The following COA6 variants were observed in gnomAD, a reference collection of about 807,000 sequenced individuals.
COA6 encodes cytochrome c oxidase assembly factor 6 homolog.
Under a neutral mutation model 17.1 loss-of-function variants are expected in COA6, and 12 were observed. The observed-to-expected ratio is 0.70, with a 90% confidence interval of 0.45 to 1.14. The LOEUF (loss-of-function observed/expected upper bound fraction) is 1.14, where lower values mean the gene tolerates loss of function less well. Among genes scored for constraint, COA6 ranks in the 50% most tolerant of loss-of-function variants. The probability of loss-of-function intolerance (pLI) is 0.00; values close to 1 mark genes in which losing one functional copy is unlikely to be tolerated. For missense variants in COA6, 246 were observed against 196.5 expected, an observed-to-expected ratio of 1.25 and a Z score of -1.51; for synonymous variants, 90 against 73.4, an observed-to-expected ratio of 1.23 and a Z score of -1.16.
At chr1:234,374,093 A>G (rs1658707155) in intron 1 of COA6, 137 bp from the exon 2 acceptor site, 12 of 1,060,730 alleles carry the variant, frequency 1.1e-5, no homozygotes, top group Non-Finnish European at 9.2e-6. Context: ...ATCCCTAAGC[A>G]TGGTTTTGTT....
intron 2 of COA6, 52 bp from the exon 3 acceptor site, chr1:234,383,671 T>A: frequency 1.3e-6 from 1 of 764,598 alleles, no homozygotes; most frequent in Non-Finnish European, 2.3e-6. Context: ...TGCTTTTGCT[T>A]ATCTAAGCTG....
rs1433495729 is a variant in COA6, at chr1:234,374,382, A to G, written c.365A>G (p.Gln122Arg). The part of the protein sequence containing the change: ...LRSSFESSCP[Q>R]QWIKYFDKRR... ...AGCTCTTTCGAATCAAGTTGTCCCCAACAGTGGGTAAGTCACACTTTGATG... is the reference window on the plus strand; with the variant it reads ...AGCTCTTTCGAATCAAGTTGTCCCCGACAGTGGGTAAGTCACACTTTGATG... The change falls in exon 2 of 3, where the codon CAA (glutamine) becomes CGA (arginine). Residue 122 changes from glutamine (Q) to arginine (R), a missense_variant. By Grantham distance (43) the Gln-to-Arg change is conservative (BLOSUM62 1). Transcript: ENST00000366615. The G allele has an allele frequency of 6.2e-7, 1 of 1,614,038 alleles. No homozygotes were observed. Among genetic ancestry groups the G allele is most frequent in the Admixed American group, 1.7e-5 (1 of 59,994 alleles).
At chr1:234,383,412 C>T (rs1437093619) in intron 2 of COA6, among the ~76,000 whole-genome samples, 2 of 151,616 alleles carry the variant, frequency 1.3e-5, no homozygotes, top group Non-Finnish European at 2.9e-5. Context: ...GGACAGATAG[C>T]ATTAGGAGGT....
In COA6 at chr1:234,373,505, C is replaced by A. The variant is rs150519772; in HGVS notation, c.39C>A (p.Arg13=). 559 of 1,602,386 alleles carry A rather than the reference C, an allele frequency of 3.5e-4. 1 individual carries two copies. In the East Asian group the frequency reaches 9.5e-3, roughly 27 times the overall value. Residue 13 remains arginine (R), a synonymous_variant, in exon 1 of 3, where the codon CGC becomes CGA. Transcript: ENST00000366615. ...AGGGTCAAAAGAGTCCGCGGTTTCGCCGCGTGAGTTGCTTTTTGCGGCTGG... is the reference window on the plus strand; with the variant it reads ...AGGGTCAAAAGAGTCCGCGGTTTCGACGCGTGAGTTGCTTTTTGCGGCTGG... The part of the protein sequence containing the change: ...ARKGQKSPRF[R]RVSCFLRLGR...
At position 234,373,638 on chromosome 1, in the gene COA6, C is replaced by T. The variant is rs1658680085; in HGVS notation, c.172C>T (p.Arg58Cys). 2 of 1,613,042 alleles carry T rather than the reference C, an allele frequency of 1.2e-6. No individual in the cohort carries two copies. The highest frequency in any genetic ancestry group is 8.5e-7 in the Non-Finnish European group (1 of 1,179,472). Reference sequence around the variant, plus strand: ...GGTGGCCTGCGTGACAGTTTCCTCCCGTCGACATCGAAAGGAAGCCGGACG... The same window carrying T: ...GGTGGCCTGCGTGACAGTTTCCTCCTGTCGACATCGAAAGGAAGCCGGACG... ...RLVACVTVSS[R>C]RHRKEAGRGR... Residue 58 changes from arginine to cysteine, a missense_variant, in exon 1 of 3, where the codon CGT becomes TGT. By Grantham distance (180) the Arg-to-Cys change is radical (BLOSUM62 -3). Coordinates refer to ENST00000366615, the MANE Select transcript of COA6 (RefSeq NM_001206641.3).
At chr1:234,382,879 T>C (rs539981951) in intron 2 of COA6, among the ~76,000 whole-genome samples, 9 of 152,174 alleles carry the variant, frequency 5.9e-5, no homozygotes, top group African/African-American at 2.2e-4. Context: ...TGGTAGCAGA[T>C]GCCTGTAATT....
chr1:234,375,239 G>A (rs917993366), intron 2 of COA6, among the ~76,000 whole-genome samples: 1 of 152,174 alleles, frequency 6.6e-6, no homozygotes, highest in Non-Finnish European at 1.5e-5. Context: ...CCTGGGAGGT[G>A]GAGGTTGTAG....
At chr1:234,383,575 C>A in intron 2 of COA6, 148 bp from the exon 3 acceptor site, 1 of 351,016 alleles carries the variant, frequency 2.8e-6, no homozygotes, top group South Asian at 5.3e-5. Context: ...TTACAGCTGA[C>A]ACACACACAC....
chr1:234,381,429 G>A (rs1658967452), intron 2 of COA6, among the ~76,000 whole-genome samples: 1 of 152,192 alleles, frequency 6.6e-6, no homozygotes, highest in African/African-American at 2.4e-5. Flanking sequence ...AATGAGCATG[G>A]GGTAGCTCTG....
intron 2 of COA6, among the ~76,000 whole-genome samples, chr1:234,375,475 T>C (rs1658765200): frequency 6.6e-6 from 1 of 152,192 alleles, no homozygotes; most frequent in South Asian, 2.1e-4. Context: ...CTGCAAAATA[T>C]ACCATGTAGT....
At chr1:234,374,548 C>T (rs1292005450) in intron 2 of COA6, among the ~76,000 whole-genome samples, 159 bp downstream of exon 2, 1 of 152,180 alleles carries the variant, frequency 6.6e-6, no homozygotes. Flanking sequence ...TTATTTGACG[C>T]ACTTACATCA....
intron 2 of COA6, among the ~76,000 whole-genome samples, chr1:234,377,078 G>A (rs879908879): frequency 0.18 from 23,221 of 128,956 alleles, 5,624 homozygotes; most frequent in Admixed American, 0.28. Flanking sequence ...GAGAGAGAGA[G>A]AGAGAGAGAG....
chr1:234,374,266 G>A lies in COA6; in HGVS notation c.249G>A (p.Lys83=), dbSNP rs756092037. ...IAVGMAAPSM[K]ERQVCWGARD... ...TAGGAATGGCAGCCCCATCTATGAA[G>A]GAAAGACAGGTCTGCTGGGGGGCCC... Residue 83 remains lysine, a synonymous_variant, in exon 2 of 3, where the codon AAG becomes AAA. Coordinates refer to ENST00000366615, the MANE Select transcript of COA6 (RefSeq NM_001206641.3). The A allele has an allele frequency of 6.2e-7, 1 of 1,613,740 alleles. No homozygotes were observed.
intron 2 of COA6, 104 bp from the exon 3 acceptor site, chr1:234,383,619 T>A: frequency 3.3e-6 from 2 of 598,816 alleles, no homozygotes; most frequent in South Asian, 4.4e-5. Context: ...AGAATATAAA[T>A]CACTTAAATT....
Position 234,374,321 on chromosome 1 carries a change from AACTT to A in COA6, c.306_309del (p.Asn102LysfsTer10), listed in dbSNP as rs1437528695. 6.2e-7 allele frequency: 1 copy of A among 1,613,910 alleles called. No individual in the cohort carries two copies. Among genetic ancestry groups the A allele is most frequent in the Non-Finnish European group, 8.5e-7 (1 of 1,180,022 alleles). ...TGAGTACTGGAAGTGTTTAGATGAG[AACTT>A]AGAGGATGCTTCTCAATGCAAGAAG... On this transcript the variant is annotated frameshift_variant, in exon 2 of 3. Transcript: ENST00000366615. LOFTEE classifies it high-confidence loss of function.
chr1:234,375,978 C>T (rs1287354860), intron 2 of COA6, among the ~76,000 whole-genome samples: 2 of 152,168 alleles, frequency 1.3e-5, no homozygotes, highest in African/African-American at 4.8e-5. Flanking sequence ...TAGATGAACT[C>T]TTCATCTGTA....
chr1:234,373,953 C>A, intron 1 of COA6: 1 of 1,306,050 alleles, frequency 7.7e-7, no homozygotes, highest in Non-Finnish European at 1.0e-6. Context: ...AACCACAGTT[C>A]TCAGCCGGGC....
At position 234,383,715 on chromosome 1, in the gene COA6, T is replaced by TC. The variant is rs397961155; in HGVS notation, c.373-6dup. The TC allele has an allele frequency of 1.6e-5, 19 of 1,212,420 alleles. No homozygotes were observed. Among genetic ancestry groups the TC allele is most frequent in the African/African-American group, 3.1e-5 (2 of 65,370 alleles). The allele number at this position is 1,212,420 out of a possible 1,614,324, so 75.1% of individuals were successfully genotyped here. A position where few individuals can be genotyped will look rare whatever the true frequency, so the allele number is the denominator to read the frequency against. On this transcript the variant is annotated splice_polypyrimidine_tract_variant and splice_region_variant and intron_variant, in intron 2 of 2. Coordinates refer to ENST00000366615, the MANE Select transcript of COA6 (RefSeq NM_001206641.3). Reference sequence around the variant, plus strand: ...GCCCTTATTTCAAATCCTTTTTTTTTCCAACAGATAAAATATTTTGATAAA... The same window carrying TC: ...GCCCTTATTTCAAATCCTTTTTTTTTCCCAACAGATAAAATATTTTGATAAA...
rs1659051405 is a variant in COA6, at chr1:234,383,748, A to C, written c.398A>C (p.Asp133Ala). ...ATAAAATATTTTGATAAAAGAAGAG[A>C]CTACTTAAAATTCAAAGAAAAATTT... is the stretch of plus-strand genomic sequence containing the variant. ...QWIKYFDKRR[D>A]YLKFKEKFEA... The change falls in exon 3 of 3, where the codon GAC (aspartate) becomes GCC (alanine). Residue 133 changes from aspartate to alanine, a missense_variant. Transcript: ENST00000366615. The C allele has an allele frequency of 6.6e-7, 1 of 1,505,696 alleles. No homozygotes were observed. The highest frequency in any genetic ancestry group is 1.4e-5 in the African/African-American group (1 of 72,140). The allele number at this position is 1,505,696 out of a possible 1,614,324, so 93.3% of individuals were successfully genotyped here.
Sources: allele counts gnomAD v4.1 joint callset (sites outside exome capture counted in the v4.1 genomes callset), GRCh38; gene constraint gnomAD v4.1.1; transcripts MANE v1.5; gene names NCBI Gene and HGNC (gene_info 2026-07-23, HGNC 2026-07-21).